GALNT9: variants seen among roughly 807,000 people sequenced by gnomAD.
GALNT9 encodes GalNAc transferase 9.
In GALNT9, 47 loss-of-function variants were observed where a neutral mutation model predicts 63.1. That is an observed-to-expected ratio of 0.75 (90% CI 0.59 to 0.95). GALNT9 has a LOEUF of 0.95. Among genes scored for constraint, GALNT9 ranks in the 40% least tolerant of loss-of-function variants. The pLI, the probability that GALNT9 is intolerant of heterozygous loss-of-function variation, is 0.00. For synonymous variants in GALNT9, 396 were observed against 365.7 expected (o/e 1.08, Z -0.94); for missense variants, 829 against 874.8 (o/e 0.95, Z 0.66).
At chr12:132,197,750 G>GCCCCCCCCCCACCCCCCC in intron 10 of GALNT9, 42 bp downstream of exon 10, 1 of 1,266,534 alleles carries the variant, frequency 7.9e-7, no homozygotes, top group East Asian at 2.6e-5. Context: ...CAGCAGCCCT[G>GCCCCCCCCCCACCCCCCC]CCCCGCCCCA....
intron 2 of GALNT9, among the ~76,000 whole-genome samples, chr12:132,285,300 G>C (rs1172378206): frequency 1.3e-5 from 2 of 152,284 alleles, no homozygotes; most frequent in African/African-American, 4.8e-5. Flanking sequence ...CTCCCAGGGA[G>C]CATCCTGTCG....
chr12:132,301,461 C>T (rs1399087220), intron 1 of GALNT9, among the ~76,000 whole-genome samples: 2 of 152,270 alleles, frequency 1.3e-5, no homozygotes, highest in African/African-American at 2.4e-5. Context: ...ACCAAGGTGC[C>T]AGCTGGACAC....
chr12:132,271,331 G>A (rs1322685118), intron 2 of GALNT9, among the ~76,000 whole-genome samples: 5 of 151,942 alleles, frequency 3.3e-5, no homozygotes, highest in African/African-American at 4.8e-5. Context: ...CGCCCCGCCC[G>A]GCTCCCACCC....
At chr12:132,215,329 C>T (rs1168921040) in intron 6 of GALNT9, among the ~76,000 whole-genome samples, 7 of 152,274 alleles carry the variant, frequency 4.6e-5, no homozygotes, top group Admixed American at 1.3e-4. Context: ...GCCCCACACA[C>T]GAGACACAGT....
chr12:132,241,703 A>C (rs2136902170), intron 6 of GALNT9, among the ~76,000 whole-genome samples: 30 of 61,340 alleles, frequency 4.9e-4, no homozygotes, highest in Admixed American at 7.3e-4. Context: ...TACACACACA[A>C]CACACACCCT....
intron 1 of GALNT9, among the ~76,000 whole-genome samples, chr12:132,312,668 G>A (rs942981443): frequency 1.3e-5 from 2 of 152,240 alleles, no homozygotes; most frequent in South Asian, 2.1e-4. Flanking sequence ...GAGACCTCAG[G>A]AACCCACACA....
At chr12:132,269,698 C>T (rs532547645) in intron 2 of GALNT9, among the ~76,000 whole-genome samples, 19 of 152,292 alleles carry the variant, frequency 1.2e-4, no homozygotes, top group South Asian at 1.0e-3. Flanking sequence ...GTGAAATAGA[C>T]GCCGCTGGGA....
rs556617685 is a variant in GALNT9, at chr12:132,315,338, G to C, written c.238+13628C>G. Reference sequence around the variant, plus strand: ...TCCCCCGTGTCCACTGCAAAGTGCTGGAGCCTCAGAATATAATCAGGGCGG... The same window carrying C: ...TCCCCCGTGTCCACTGCAAAGTGCTCGAGCCTCAGAATATAATCAGGGCGG... On this transcript the variant is annotated intron_variant, in intron 1 of 10. Coordinates refer to ENST00000328957, the MANE Select transcript of GALNT9 (RefSeq NM_001122636.2). This position sits in a 1 kb window ranked among gnomAD's most constrained non-coding sequence, Gnocchi z 6.1. Among the ~76,000 whole-genome samples, 1,009 of 139,570 alleles carry C rather than the reference G, an allele frequency of 7.2e-3. 34 individuals are homozygous for C. The highest frequency in any genetic ancestry group is 0.028 in the African/African-American group (953 of 33,882). The allele number at this position is 139,570 out of a possible 152,430, so 91.6% of individuals were successfully genotyped here. A position where few individuals can be genotyped will look rare whatever the true frequency, so the allele number is the denominator to read the frequency against.
rs528371621 is a variant in GALNT9, at chr12:132,320,724, C to T, written c.238+8242G>A. Among the ~76,000 whole-genome samples, 10 of 152,350 alleles carry T rather than the reference C, an allele frequency of 6.6e-5. No homozygotes were observed. The East Asian group carries it at 1.7e-3, about 26-fold the overall frequency. On this transcript the variant is annotated intron_variant, in intron 1 of 10. Transcript: ENST00000328957. ...CCATGTCCCTGGGCCAGCTCAAGGC[C>T]TCCGCCCCCACCAGGTGCCCTCGGG... is the stretch of plus-strand genomic sequence containing the variant.
At chr12:132,260,743 C>T (rs1879343537) in intron 4 of GALNT9, among the ~76,000 whole-genome samples, 1 of 152,250 alleles carries the variant, frequency 6.6e-6, no homozygotes, top group Admixed American at 6.5e-5. Context: ...GTTTTGCATT[C>T]AGGAGCTGGA....
intron 4 of GALNT9, among the ~76,000 whole-genome samples, chr12:132,258,674 G>A (rs1484334496): frequency 1.3e-5 from 2 of 152,214 alleles, no homozygotes; most frequent in African/African-American, 2.4e-5. Flanking sequence ...CAGAGCGATG[G>A]GGCAATGGGG....
In GALNT9 at chr12:132,203,730, C is replaced by T. The variant is rs148631185; in HGVS notation, c.1078-40G>A. 4.0e-4 allele frequency: 637 copies of T among 1,594,592 alleles called. 6 individuals are homozygous for T. Among genetic ancestry groups the T allele is most frequent in the South Asian group, 3.5e-3 (314 of 90,086 alleles). On this transcript the variant is annotated intron_variant, in intron 6 of 10. Coordinates refer to ENST00000328957, the MANE Select transcript of GALNT9 (RefSeq NM_001122636.2). ...CGCTGGGTGCCGGCGTCCTTCCCAA[C>T]GGAAGCGGGCAGCCCGGCCAGCTAG...
intron 6 of GALNT9, among the ~76,000 whole-genome samples, chr12:132,237,818 C>T (rs1314855126): frequency 6.6e-6 from 1 of 152,240 alleles, no homozygotes; most frequent in Non-Finnish European, 1.5e-5. Flanking sequence ...TTGACCCGAG[C>T]GGACAGGCAT....
intron 2 of GALNT9, among the ~76,000 whole-genome samples, chr12:132,271,259 C>T (rs1480310765): frequency 6.6e-6 from 1 of 151,368 alleles, no homozygotes; most frequent in African/African-American, 2.4e-5. Context: ...CTCCAGTCAC[C>T]CGTCACTGCC....
At chr12:132,275,401 T>C (rs1252171601) in intron 2 of GALNT9, 2 of 152,258 alleles carry the variant, frequency 1.3e-5, no homozygotes, top group African/African-American at 4.8e-5. Flanking sequence ...GACGTGAGGC[T>C]GGAGTGGCTG....
chr12:132,262,153 C>T (rs1212800875), intron 3 of GALNT9, among the ~76,000 whole-genome samples: 2 of 152,160 alleles, frequency 1.3e-5, no homozygotes, highest in Non-Finnish European at 2.9e-5. Context: ...TGAAATCCTC[C>T]TGGATTTGGG....
intron 1 of GALNT9, among the ~76,000 whole-genome samples, chr12:132,305,038 C>G (rs1220033074): frequency 3.4e-5 from 2 of 58,126 alleles, no homozygotes; most frequent in Non-Finnish European, 3.0e-5. Context: ...CCCAGACACA[C>G]CCTCACCCGG....
chr12:132,316,190 C>T lies in GALNT9; in HGVS notation c.238+12776G>A, dbSNP rs552303888. On this transcript the variant is annotated intron_variant, in intron 1 of 10. Transcript: ENST00000328957. This position sits in a 1 kb window ranked among gnomAD's most constrained non-coding sequence, Gnocchi z 4.3. ...AGACCCCAGCGTCCCAGTCCAGGCTCGGCTCTCCAGCAGAGGCATGAAGCT... is the reference window on the plus strand; with the variant it reads ...AGACCCCAGCGTCCCAGTCCAGGCTTGGCTCTCCAGCAGAGGCATGAAGCT... Among the ~76,000 whole-genome samples the T allele has an allele frequency of 5.3e-5, 8 of 152,220 alleles. No homozygotes were observed. The South Asian group carries it at 6.2e-4, about 12-fold the overall frequency.
At chr12:132,200,082 A>AG (rs1875905419) in intron 8 of GALNT9, among the ~76,000 whole-genome samples, 1 of 152,004 alleles carries the variant, frequency 6.6e-6, no homozygotes. Flanking sequence ...GCTGGGGGAG[A>AG]GGGGCGGTGC....
Sources: allele counts gnomAD v4.1 joint callset (sites outside exome capture counted in the v4.1 genomes callset), GRCh38; gene constraint gnomAD v4.1.1; non-coding constraint Gnocchi (gnomAD v3.1); transcripts MANE v1.5; gene names NCBI Gene and HGNC (gene_info 2026-07-23, HGNC 2026-07-21).